The following STXBP5L variants were observed in gnomAD, a reference collection of about 807,000 sequenced individuals.
STXBP5L encodes the protein syntaxin-binding protein 5-like.
In STXBP5L, 65 loss-of-function variants were observed where a neutral mutation model predicts 144.5. The observed-to-expected ratio is 0.45, with a 90% CI of 0.37 to 0.55. The LOEUF (loss-of-function observed/expected upper bound fraction) is 0.55. Among genes scored for constraint, STXBP5L ranks in the 20% least tolerant of loss-of-function variants. The pLI is 0.00. For synonymous variants in STXBP5L, 505 were observed against 469.6 expected (o/e 1.08, Z -0.97); for missense variants, 1,298 against 1,405.5 (o/e 0.92, Z 1.22).
At chr3:121,083,944 C>A (rs1481718943) in intron 5 of STXBP5L, among the ~76,000 whole-genome samples, 1 of 151,926 alleles carries the variant, frequency 6.6e-6, no homozygotes, top group East Asian at 1.9e-4. Context: ...TTGTTTCATT[C>A]CTGATGTTTG....
chr3:121,295,961 ACTAT>A (rs2051633765), intron 19 of STXBP5L, among the ~76,000 whole-genome samples: 1 of 152,206 alleles, frequency 6.6e-6, no homozygotes, highest in African/African-American at 2.4e-5. Flanking sequence ...TACTTAAAGT[ACTAT>A]CTTATTATAT....
At chr3:121,070,163 A>G (rs963430341) in intron 5 of STXBP5L, among the ~76,000 whole-genome samples, 16 of 152,250 alleles carry the variant, frequency 1.1e-4, no homozygotes, top group African/African-American at 3.4e-4. Context: ...GCCCTGAACA[A>G]AGGGCTTTTC....
chr3:121,055,589 C>T (rs1450592362), intron 5 of STXBP5L, among the ~76,000 whole-genome samples: 1 of 152,010 alleles, frequency 6.6e-6, no homozygotes, highest in Non-Finnish European at 1.5e-5. Flanking sequence ...TAGCTCACTG[C>T]AGCCTCAAAC....
At chr3:121,186,385 G>A (rs1170249554) in intron 9 of STXBP5L, among the ~76,000 whole-genome samples, 1 of 152,182 alleles carries the variant, frequency 6.6e-6, no homozygotes, top group Admixed American at 6.5e-5. Flanking sequence ...CATTTTCAAA[G>A]GGAGTGCTTC....
intron 22 of STXBP5L, among the ~76,000 whole-genome samples, chr3:121,390,706 T>G (rs1324863055): frequency 1.3e-5 from 2 of 152,230 alleles, no homozygotes; most frequent in Non-Finnish European, 2.9e-5. Flanking sequence ...ATGTTGAATA[T>G]TGGCCCCCAC....
chr3:121,078,674 C>T (rs535597941), intron 5 of STXBP5L, among the ~76,000 whole-genome samples: 60 of 152,020 alleles, frequency 3.9e-4, no homozygotes, highest in South Asian at 2.7e-3. Context: ...AGCCCTGCCC[C>T]GCTGCAGGTT....
intron 20 of STXBP5L, among the ~76,000 whole-genome samples, chr3:121,364,755 A>G (rs3914165): frequency 0.1 from 15,447 of 151,964 alleles, 1,195 homozygotes; most frequent in Admixed American, 0.2. Flanking sequence ...GATTGTTTAT[A>G]TAAAGAAATG....
At chr3:121,111,868 T>C (rs1012410415) in intron 5 of STXBP5L, among the ~76,000 whole-genome samples, 8 of 152,168 alleles carry the variant, frequency 5.3e-5, no homozygotes, top group African/African-American at 1.9e-4. Flanking sequence ...TGGCTGCCCC[T>C]CCTGCAAGGG....
At chr3:121,190,650 C>T (rs1020477867) in intron 9 of STXBP5L, among the ~76,000 whole-genome samples, 3 of 151,932 alleles carry the variant, frequency 2.0e-5, no homozygotes, top group African/African-American at 7.3e-5. Context: ...GCACCCCCCA[C>T]CTCCCAGATG....
At chr3:121,095,747 C>T (rs2043085617) in intron 5 of STXBP5L, among the ~76,000 whole-genome samples, 1 of 151,270 alleles carries the variant, frequency 6.6e-6, no homozygotes, top group African/African-American at 2.4e-5. Context: ...TCCTTTAGCT[C>T]GGAGAAGTTT....
At chr3:121,085,811 TAG>T (rs2042463344) in intron 5 of STXBP5L, among the ~76,000 whole-genome samples, 1 of 152,120 alleles carries the variant, frequency 6.6e-6, no homozygotes, top group African/African-American at 2.4e-5. Flanking sequence ...TTCACATAAT[TAG>T]AAACAAATTC....
At chr3:120,978,702 G>C (rs1199563819) in intron 3 of STXBP5L, among the ~76,000 whole-genome samples, 1 of 152,104 alleles carries the variant, frequency 6.6e-6, no homozygotes, top group Admixed American at 6.5e-5. Context: ...TTTGATGATG[G>C]TGATGTACAG....
chr3:120,908,432 AGTGT>A (rs939022561), intron 1 of STXBP5L, 98 bp downstream of exon 1: 4 of 156,090 alleles, frequency 2.6e-5, no homozygotes, highest in Non-Finnish European at 5.6e-5. Context: ...TGTCTGTGTG[AGTGT>A]GTGTGTGTGT....
At position 121,217,531 on chromosome 3, in the gene STXBP5L, A is replaced by G. The variant is rs538555347; in HGVS notation, c.957-5472A>G. On this transcript the variant is annotated intron_variant, in intron 10 of 26. Transcript: ENST00000471454. ...CTGCACCCACTGTCTAATCATTCCCAGTTCCATGAGCTGGGTACCTCCATT... is the reference window on the plus strand; with the variant it reads ...CTGCACCCACTGTCTAATCATTCCCGGTTCCATGAGCTGGGTACCTCCATT... 4.6e-5 allele frequency among the ~76,000 whole-genome samples: 7 copies of G among 152,192 alleles called. No individual in the cohort carries two copies. The East Asian group carries it at 1.4e-3, about 30-fold the overall frequency.
rs181850433 is a variant in STXBP5L at position 121,361,032 on chromosome 3, C to T, written c.2177-17684C>T. ...TGTCTAGGAAAGTCTTTATTAGTTC[C>T]GCATGTTTCAAGGATATTTTCACCA... On this transcript the variant is annotated intron_variant, in intron 20 of 26. Transcript: ENST00000471454. 7.2e-5 allele frequency among the ~76,000 whole-genome samples: 11 copies of T among 152,096 alleles called. No homozygotes were observed. The East Asian group carries it at 9.7e-4, about 13-fold the overall frequency.
At chr3:120,979,489 CT>C (rs1166084341) in intron 3 of STXBP5L, among the ~76,000 whole-genome samples, 2 of 152,170 alleles carry the variant, frequency 1.3e-5, no homozygotes, top group East Asian at 3.9e-4. Flanking sequence ...TCCCTGACCC[CT>C]TGTGCTTCCC....
chr3:120,987,579 TCTTAA>T (rs1276288072), intron 3 of STXBP5L, among the ~76,000 whole-genome samples: 8 of 151,902 alleles, frequency 5.3e-5, no homozygotes, highest in South Asian at 2.1e-4. Context: ...ATTTTCACCC[TCTTAA>T]CTTGACAGGG....
chr3:120,973,020 A>T (rs1287390512), intron 3 of STXBP5L, among the ~76,000 whole-genome samples: 1 of 151,868 alleles, frequency 6.6e-6, no homozygotes, highest in Non-Finnish European at 1.5e-5. Context: ...AGAGATATTG[A>T]TCTATAGTTT....
chr3:121,106,589 C>G (rs1194319297), intron 5 of STXBP5L, among the ~76,000 whole-genome samples: 1 of 152,098 alleles, frequency 6.6e-6, no homozygotes, highest in Non-Finnish European at 1.5e-5. Flanking sequence ...TCTTTTTTGG[C>G]TGCATAGTAT....
Sources: gnomAD v4.1 joint callset for allele counts (sites outside exome capture counted in the v4.1 genomes callset) on GRCh38, gnomAD v4.1.1 for gene constraint, MANE v1.5 for transcripts, NCBI Gene and HGNC (gene_info 2026-07-23, HGNC 2026-07-21) for gene names.